The following RSU1 variants were observed in gnomAD, a reference collection of about 807,000 sequenced individuals.
RSU1 encodes rsu-1.
RSU1 carries 26 observed loss-of-function variants against 31.1 expected under a neutral mutation model. The ratio of observed to expected loss-of-function variants is 0.84; its 90% CI spans 0.61 to 1.16. The LOEUF is 1.16. Among genes scored for constraint, RSU1 ranks in the 50% most tolerant of loss-of-function variants. The pLI is 0.00. For missense variants in RSU1, 320 were observed against 339.1 expected, an observed-to-expected ratio of 0.94 and a Z score of 0.44; for synonymous variants, 164 against 136.3, an observed-to-expected ratio of 1.20 and a Z score of -1.41.
chr10:16,646,743 C>T (rs898225956), intron 8 of RSU1, among the ~76,000 whole-genome samples: 1 of 152,148 alleles, frequency 6.6e-6, no homozygotes, highest in African/African-American at 2.4e-5. Flanking sequence ...GGCATTGTAA[C>T]TAATAATATT....
At chr10:16,769,675 T>A (rs539302341) in intron 3 of RSU1, among the ~76,000 whole-genome samples, 169 of 152,340 alleles carry the variant, frequency 1.1e-3, no homozygotes, top group Non-Finnish European at 2.2e-3. Flanking sequence ...CTGGGAACCC[T>A]CTTTTGGCTC....
At chr10:16,612,786 G>A (rs1833915750) in intron 8 of RSU1, among the ~76,000 whole-genome samples, 1 of 152,180 alleles carries the variant, frequency 6.6e-6, no homozygotes, top group South Asian at 2.1e-4. Flanking sequence ...ATTAGATTCT[G>A]CTAAGATGCA....
At chr10:16,709,862 G>GT (rs1835982551) in intron 7 of RSU1, among the ~76,000 whole-genome samples, 1 of 152,004 alleles carries the variant, frequency 6.6e-6, no homozygotes, top group African/African-American at 2.4e-5. Context: ...TTGTAAATTT[G>GT]TTTGAGTTCA....
chr10:16,690,096 A>G (rs1476766544), intron 8 of RSU1, among the ~76,000 whole-genome samples: 3 of 152,192 alleles, frequency 2.0e-5, no homozygotes, highest in African/African-American at 7.2e-5. Flanking sequence ...CCCTTTCACA[A>G]AGAATCTTGT....
intron 8 of RSU1, among the ~76,000 whole-genome samples, chr10:16,665,839 CAAGGT>C (rs1390959813): frequency 3.9e-5 from 6 of 152,120 alleles, no homozygotes; most frequent in Admixed American, 2.6e-4. Flanking sequence ...GATAAATGGA[CAAGGT>C]AACATATTGG....
At chr10:16,754,648 T>C (rs1837047187) in intron 5 of RSU1, among the ~76,000 whole-genome samples, 1 of 151,972 alleles carries the variant, frequency 6.6e-6, no homozygotes, top group Non-Finnish European at 1.5e-5. Flanking sequence ...CTCAGAATGT[T>C]AATATGACAT....
intron 2 of RSU1, among the ~76,000 whole-genome samples, chr10:16,792,350 G>A (rs3780967): frequency 0.1 from 15,375 of 151,890 alleles, 2,016 homozygotes; most frequent in African/African-American, 0.3. Flanking sequence ...CTCCTGCCTC[G>A]GCCTCCCGAG....
chr10:16,682,200 G>A (rs1469058778), intron 8 of RSU1, among the ~76,000 whole-genome samples: 1 of 152,132 alleles, frequency 6.6e-6, no homozygotes, highest in Non-Finnish European at 1.5e-5. Context: ...ACACTCTATA[G>A]GGCAAAACCC....
At chr10:16,771,061 T>A (rs1038405759) in intron 3 of RSU1, among the ~76,000 whole-genome samples, 9 of 152,214 alleles carry the variant, frequency 5.9e-5, no homozygotes, top group Non-Finnish European at 1.3e-4. Context: ...CAGCTTTTTT[T>A]ATAAAGCATA....
chr10:16,805,252 A>C (rs1008523383), intron 2 of RSU1, among the ~76,000 whole-genome samples: 1 of 152,166 alleles, frequency 6.6e-6, no homozygotes, highest in Admixed American at 6.5e-5. Context: ...TCCAGCAATC[A>C]TAGCAAACGT....
intron 7 of RSU1, among the ~76,000 whole-genome samples, chr10:16,706,392 G>A (rs1463640848): frequency 8.5e-5 from 13 of 152,088 alleles, no homozygotes; most frequent in Non-Finnish European, 1.6e-4. Context: ...GGCCATTTAT[G>A]TACCTTCCTT....
intron 8 of RSU1, among the ~76,000 whole-genome samples, chr10:16,627,350 G>A (rs11254116): frequency 0.032 from 4,866 of 152,268 alleles, 257 homozygotes; most frequent in African/African-American, 0.11. Flanking sequence ...TGTAGAGTAG[G>A]TTATGTTAGC....
At chr10:16,598,179 T>C (rs1177329041) in intron 8 of RSU1, among the ~76,000 whole-genome samples, 1 of 152,170 alleles carries the variant, frequency 6.6e-6, no homozygotes, top group Non-Finnish European at 1.5e-5. Context: ...TTAAGAACCT[T>C]GAGCTGGGAA....
rs150424486 is a variant in RSU1 at position 16,731,806 on chromosome 10, G to A, written c.598+20733C>T. On this transcript the variant is annotated intron_variant, in intron 7 of 8. Coordinates refer to ENST00000345264, the MANE Select transcript of RSU1 (RefSeq NM_012425.4). ...CTTCTCTTGTGAAATATCTGTTCTT[G>A]CTCATTTTTTTTTTTCTACTGAGGT... Among the ~76,000 whole-genome samples the A allele has an allele frequency of 1.0e-3, 153 of 151,606 alleles. 3 individuals carry two copies. Among genetic ancestry groups the A allele is most frequent in the African/African-American group, 3.5e-3 (143 of 41,326 alleles).
intron 8 of RSU1, among the ~76,000 whole-genome samples, chr10:16,619,717 G>C (rs1834037048): frequency 6.6e-6 from 1 of 152,144 alleles, no homozygotes; most frequent in Non-Finnish European, 1.5e-5. Context: ...GAGTTACAGA[G>C]AAAAAGCAAC....
At chr10:16,789,503 A>G (rs1837868257) in intron 2 of RSU1, among the ~76,000 whole-genome samples, 1 of 152,252 alleles carries the variant, frequency 6.6e-6, no homozygotes, top group East Asian at 1.9e-4. Flanking sequence ...ACATATTTAT[A>G]CAACCAGTCA....
intron 7 of RSU1, among the ~76,000 whole-genome samples, chr10:16,704,107 A>T (rs1367353363): frequency 6.6e-6 from 1 of 152,186 alleles, no homozygotes; most frequent in Non-Finnish European, 1.5e-5. Context: ...TAACATTAGA[A>T]CTTTAAAATT....
intron 8 of RSU1, among the ~76,000 whole-genome samples, chr10:16,629,397 G>T (rs1834210341): frequency 6.6e-6 from 1 of 152,110 alleles, no homozygotes; most frequent in Non-Finnish European, 1.5e-5. Flanking sequence ...CTTCCTTTCT[G>T]CAGAACTAGG....
At chr10:16,641,384 C>T (rs1396550979) in intron 8 of RSU1, among the ~76,000 whole-genome samples, 1 of 151,148 alleles carries the variant, frequency 6.6e-6, no homozygotes, top group Admixed American at 6.6e-5. Flanking sequence ...CCCAGCTACT[C>T]GGGAGGCTGA....
Sources: allele counts gnomAD v4.1 joint callset (sites outside exome capture counted in the v4.1 genomes callset), GRCh38; gene constraint gnomAD v4.1.1; transcripts MANE v1.5; gene names NCBI Gene and HGNC (gene_info 2026-07-23, HGNC 2026-07-21).